The following NEBL variants were observed in gnomAD, a reference collection of about 807,000 sequenced individuals.
The protein encoded by NEBL is LIM and SH3 protein 2.
A neutral mutation model predicts 140.2 loss-of-function variants in NEBL; 122 were observed. The ratio of observed to expected loss-of-function variants is 0.87; its 90% CI spans 0.75 to 1.01. The LOEUF is 1.01. NEBL is among the 50% of genes least tolerant of loss of function. The pLI is 0.00. For missense variants in NEBL, 1,365 were observed against 1,231.3 expected (o/e 1.11, Z -1.62); for synonymous variants, 436 against 398.9 (o/e 1.09, Z -1.11).
Position 21,227,121 on chromosome 10 carries a change from A to C in NEBL, n.348+20800T>G, listed in dbSNP as rs112020507. Among the ~76,000 whole-genome samples, 164 of 152,152 alleles carry C rather than the reference A, an allele frequency of 1.1e-3. 2 individuals are homozygous for C. The highest frequency in any genetic ancestry group is 3.8e-3 in the African/African-American group (158 of 41,532). On this transcript the variant is annotated intron_variant and non_coding_transcript_variant, in intron 3 of 8. Coordinates refer to the NEBL transcript ENST00000675702. ...TATTGTTCAGTGATGGCTAGATTTA[A>C]GCTTTTTTCCCCCCATTAATTGGAA...
intron 2 of NEBL, among the ~76,000 whole-genome samples, chr10:21,037,814 A>G (rs916053416): frequency 2.5e-4 from 25 of 99,818 alleles, no homozygotes; most frequent in African/African-American, 8.3e-4. Flanking sequence ...CCCCTAATGA[A>G]GAGTAGAAAG....
In NEBL at chr10:20,801,609, C is replaced by A. The variant is rs559189254; in HGVS notation, c.2761+6901G>T. Among the ~76,000 whole-genome samples, 8 of 152,156 alleles carry A rather than the reference C, an allele frequency of 5.3e-5. No individual in the cohort carries two copies. In the South Asian group the frequency reaches 1.7e-3, roughly 32 times the overall value. On this transcript the variant is annotated intron_variant, in intron 26 of 27. Coordinates refer to ENST00000377122, the MANE Select transcript of NEBL (RefSeq NM_006393.3). ...GAATGTGAGCTCTCTAAAAACAGTA[C>A]CCGTTTCTTTTATTTTTGTGTTCCC...
At chr10:21,144,180 C>T (rs1212938852) in intron 2 of NEBL, among the ~76,000 whole-genome samples, 1 of 152,222 alleles carries the variant, frequency 6.6e-6, no homozygotes, top group Non-Finnish European at 1.5e-5. Context: ...TTGTATCCAC[C>T]TCCTAAGGAA....
chr10:21,025,069 C>CT (rs764981205), intron 2 of NEBL, among the ~76,000 whole-genome samples: 81 of 152,100 alleles, frequency 5.3e-4, no homozygotes, highest in Non-Finnish European at 1.1e-3. Flanking sequence ...AAGAATAACA[C>CT]TTTTTTCCTC....
intron 3 of NEBL, among the ~76,000 whole-genome samples, chr10:20,969,831 C>T (rs1034887078): frequency 1.3e-5 from 2 of 151,976 alleles, no homozygotes; most frequent in Non-Finnish European, 2.9e-5. Flanking sequence ...AGGTGTGAGC[C>T]ACCGTGCCTG....
At chr10:21,042,371 G>A (rs1393616903) in intron 2 of NEBL, among the ~76,000 whole-genome samples, 1 of 152,194 alleles carries the variant, frequency 6.6e-6, no homozygotes, top group Non-Finnish European at 1.5e-5. Context: ...GCTCATGGGA[G>A]CTGACTGTGC....
At chr10:21,066,171 C>T (rs1247014047) in intron 2 of NEBL, among the ~76,000 whole-genome samples, 1 of 152,162 alleles carries the variant, frequency 6.6e-6, no homozygotes, top group Non-Finnish European at 1.5e-5. Context: ...ACTCATTAAC[C>T]TCTTCCCTGC....
rs867852953 is a variant in NEBL, at chr10:21,000,229, A to G, written c.249+19888T>C. On this transcript the variant is annotated intron_variant, in intron 3 of 6. Transcript: ENST00000417816. ...GGGTATAGAGGGGGCATGGGGGGCC[A>G]GAGGGGGGCAGAGGGAGCTGCAGCT... Among the ~76,000 whole-genome samples, 122 of 95,188 alleles carry G rather than the reference A, an allele frequency of 1.3e-3. No homozygotes were observed. In the Middle Eastern group the frequency reaches 0.017, roughly 13 times the overall value. 62.4% of individuals were successfully genotyped at this position (95,188 alleles called of 152,430 possible). A position where few individuals can be genotyped will look rare whatever the true frequency, so the allele number is the denominator to read the frequency against.
chr10:21,025,482 A>T (rs1554819005), intron 2 of NEBL, among the ~76,000 whole-genome samples: 1 of 152,148 alleles, frequency 6.6e-6, no homozygotes, highest in Non-Finnish European at 1.5e-5. Flanking sequence ...ATGACTTCAA[A>T]TTTTTTTTCT....
intron 26 of NEBL, among the ~76,000 whole-genome samples, chr10:20,802,139 G>T (rs886581212): frequency 1.1e-4 from 17 of 152,152 alleles, no homozygotes; most frequent in African/African-American, 3.4e-4. Context: ...GAGATTGCAA[G>T]CACATACGAA....
chr10:21,201,910 T>C (rs1841743556), intron 3 of NEBL, among the ~76,000 whole-genome samples: 1 of 152,188 alleles, frequency 6.6e-6, no homozygotes, highest in South Asian at 2.1e-4. Flanking sequence ...CTCTATCAGA[T>C]TTCTTTTTTC....
intron 3 of NEBL, among the ~76,000 whole-genome samples, chr10:20,980,175 TA>T (rs1370389947): frequency 6.6e-6 from 1 of 152,142 alleles, no homozygotes; most frequent in Non-Finnish European, 1.5e-5. Context: ...TGTGTGTTTG[TA>T]GCCTATACAG....
At position 21,082,104 on chromosome 10, in the gene NEBL, A is replaced by G. The variant is rs138745639; in HGVS notation, c.165-61903T>C. On this transcript the variant is annotated intron_variant, in intron 2 of 6. Coordinates refer to the NEBL transcript ENST00000417816. ...GCCAACCATGCCTAACCTGAATATA[A>G]CCATGAAGAAACATCACCCAAACCG... Among the ~76,000 whole-genome samples, 17 of 152,198 alleles carry G rather than the reference A, an allele frequency of 1.1e-4. 1 individual carries two copies. The highest frequency in any genetic ancestry group is 1.1e-3 in the Admixed American group (17 of 15,282).
At chr10:21,290,903 T>G (rs1386422798) in intron 1 of NEBL, among the ~76,000 whole-genome samples, 1 of 152,188 alleles carries the variant, frequency 6.6e-6, no homozygotes, top group Non-Finnish European at 1.5e-5. Context: ...CTTATGCATG[T>G]TAGTAACTTT....
chr10:21,142,524 C>T (rs1839679877), intron 2 of NEBL, among the ~76,000 whole-genome samples: 1 of 152,214 alleles, frequency 6.6e-6, no homozygotes, highest in South Asian at 2.1e-4. Flanking sequence ...AGTTTTCCAA[C>T]AGCGTCAGTT....
intron 3 of NEBL, among the ~76,000 whole-genome samples, chr10:21,208,171 G>C (rs1052748975): frequency 1.3e-5 from 2 of 152,176 alleles, no homozygotes; most frequent in African/African-American, 4.8e-5. Context: ...TGGGGTCATT[G>C]ATTGGTCAAG....
upstream of NEBL, among the ~76,000 whole-genome samples, chr10:21,175,622 G>A (rs1454159044): frequency 6.6e-6 from 1 of 152,212 alleles, no homozygotes; most frequent in Non-Finnish European, 1.5e-5. Flanking sequence ...CTTTCCAGAA[G>A]ATGTAACTTC....
Position 20,858,279 on chromosome 10 carries a change from AAAC to A in NEBL, c.861_863del (p.Leu287del), listed in dbSNP as rs757466908. ...TGCTGGCTTTCAAAACATGGTCTAAAAACAACAAATTTGGGAGATCTGAAACTG... is the reference window on the plus strand; with the variant it reads ...TGCTGGCTTTCAAAACATGGTCTAAAAACAAATTTGGGAGATCTGAAACTG... On this transcript the variant is annotated inframe_deletion, in exon 9 of 28. Transcript: ENST00000377122. The A allele has an allele frequency of 5.6e-6, 9 of 1,612,206 alleles. No homozygotes were observed. In the African/African-American group the frequency reaches 1.1e-4, roughly 19 times the overall value.
Position 20,863,179 on chromosome 10 carries a change from C to T in NEBL, c.685-3353G>A, listed in dbSNP as rs1451291867. Among the ~76,000 whole-genome samples the T allele has an allele frequency of 5.9e-5, 9 of 152,228 alleles. No homozygotes were observed. In the South Asian group the frequency reaches 1.9e-3, roughly 32 times the overall value. On this transcript the variant is annotated intron_variant, in intron 7 of 27. Coordinates refer to ENST00000377122, the MANE Select transcript of NEBL (RefSeq NM_006393.3). ...TCTCATATAAAGAAATGAGAAGTTA[C>T]ATCTGCATATCCTCATATGAGGATC...
Sources: allele counts gnomAD v4.1 joint callset (sites outside exome capture counted in the v4.1 genomes callset), GRCh38; gene constraint gnomAD v4.1.1; transcripts MANE v1.5; gene names NCBI Gene and HGNC (gene_info 2026-07-23, HGNC 2026-07-21).